Variants in TATDN1 observed in about 807,000 individuals in gnomAD.
TATDN1 encodes the protein deoxyribonuclease TATDN1.
Under a neutral mutation model 46.4 loss-of-function variants are expected in TATDN1, and 40 were observed. The ratio of observed to expected loss-of-function variants is 0.86; its 90% CI spans 0.67 to 1.12. The LOEUF (loss-of-function observed/expected upper bound fraction) is 1.12, where lower values mean the gene tolerates loss of function less well. Ranked by LOEUF, TATDN1 falls within the 50% of genes most tolerant of loss-of-function variation. The pLI is 0.00. For missense variants in TATDN1, 326 were observed against 348.4 expected, an observed-to-expected ratio of 0.94 and a Z score of 0.51; for synonymous variants, 95 against 105.6, an observed-to-expected ratio of 0.90 and a Z score of 0.62.
intron 1 of TATDN1, among the ~76,000 whole-genome samples, chr8:124,528,123 T>C (rs1226295660): frequency 6.6e-6 from 1 of 152,160 alleles, no homozygotes; most frequent in Non-Finnish European, 1.5e-5. Context: ...AGAGGATTAG[T>C]AGTTCATAGC....
Position 124,508,518 on chromosome 8 carries a change from T to C in TATDN1, c.476-4A>G. Reference sequence around the variant, plus strand: ...TCTCTATTTCTTTTCATTATGTCTGTGAATTAAAAACAAAGAACTTTTAGC... The same window carrying C: ...TCTCTATTTCTTTTCATTATGTCTGCGAATTAAAAACAAAGAACTTTTAGC... On this transcript the variant is annotated splice_polypyrimidine_tract_variant and splice_region_variant and intron_variant, in intron 7 of 11. Transcript: ENST00000276692. 1 of 1,613,200 alleles carries C rather than the reference T, an allele frequency of 6.2e-7. No homozygotes were observed. The highest frequency in any genetic ancestry group is 8.5e-7 in the Non-Finnish European group (1 of 1,179,426).
At chr8:124,534,279 T>C (rs7833362) in intron 1 of TATDN1, among the ~76,000 whole-genome samples, 10,032 of 151,704 alleles carry the variant, frequency 0.066, 1,119 homozygotes, top group African/African-American at 0.23. Flanking sequence ...TTTTAAATAG[T>C]TGAAGAAAAT....
intron 6 of TATDN1, among the ~76,000 whole-genome samples, chr8:124,509,226 T>C (rs1359007714): frequency 6.6e-6 from 1 of 152,252 alleles, no homozygotes; most frequent in Non-Finnish European, 1.5e-5. Flanking sequence ...AAGAAGGTTT[T>C]TCCAAGTACC....
In TATDN1 at chr8:124,515,772, C is replaced by T. The variant is rs1563670831; in HGVS notation, c.363G>A (p.Gln121=). Residue 121 remains glutamine, a synonymous_variant, in exon 6 of 12, where the codon CAG becomes CAA. Coordinates refer to ENST00000276692, the MANE Select transcript of TATDN1 (RefSeq NM_032026.4). The part of the protein sequence containing the change: ...GECGLDFDRL[Q]FCPKDTQLKY... Reference sequence around the variant, plus strand: ...TGAGTTGAGTATCTTTGGGACAAAACTGCAGTCGGTCAAAATCTTTAAAAA... The same window carrying T: ...TGAGTTGAGTATCTTTGGGACAAAATTGCAGTCGGTCAAAATCTTTAAAAA... The T allele has an allele frequency of 4.3e-6, 7 of 1,613,680 alleles. No individual in the cohort carries two copies. Among genetic ancestry groups the T allele is most frequent in the Non-Finnish European group, 5.1e-6 (6 of 1,179,848 alleles).
At chr8:124,524,119 T>C (rs1158828646) in intron 1 of TATDN1, among the ~76,000 whole-genome samples, 1 of 152,224 alleles carries the variant, frequency 6.6e-6, no homozygotes, top group Admixed American at 6.5e-5. Flanking sequence ...ATGTTCTCAT[T>C]CTAATTTCTG....
At chr8:124,533,457 T>C (rs560717846) in intron 1 of TATDN1, among the ~76,000 whole-genome samples, 1 of 151,580 alleles carries the variant, frequency 6.6e-6, no homozygotes, top group Admixed American at 6.6e-5. Flanking sequence ...GTAGCCTTGA[T>C]GAGGCCTGAG....
At chr8:124,512,580 AAG>A in intron 6 of TATDN1, among the ~76,000 whole-genome samples, 1 of 152,360 alleles carries the variant, frequency 6.6e-6, no homozygotes, top group South Asian at 2.1e-4. Flanking sequence ...GGGAATAAAA[AAG>A]AAAAGAACCT....
intron 9 of TATDN1, among the ~76,000 whole-genome samples, chr8:124,502,704 T>C (rs745371438): frequency 6.6e-6 from 1 of 152,262 alleles, no homozygotes; most frequent in Non-Finnish European, 1.5e-5. Flanking sequence ...GGTTTGCTCA[T>C]GTGGTATACT....
At chr8:124,537,157 C>T (rs1821502435) in intron 1 of TATDN1, among the ~76,000 whole-genome samples, 1 of 152,098 alleles carries the variant, frequency 6.6e-6, no homozygotes, top group Non-Finnish European at 1.5e-5. Flanking sequence ...GCACTAAAGC[C>T]ACTCATTCAT....
intron 1 of TATDN1, among the ~76,000 whole-genome samples, chr8:124,525,125 C>T (rs1420227559): frequency 6.6e-6 from 1 of 152,094 alleles, no homozygotes; most frequent in East Asian, 1.9e-4. Context: ...TCCTTCCACA[C>T]TTTAGCATCA....
intron 1 of TATDN1, 77 bp from the exon 2 acceptor site, chr8:124,523,079 C>G: frequency 1.5e-6 from 2 of 1,351,334 alleles, no homozygotes; most frequent in Non-Finnish European, 2.1e-6. Context: ...GCTTCTGTTA[C>G]TAAACTTTTT....
chr8:124,526,862 GT>G (rs1398852992), intron 1 of TATDN1: 4 of 152,258 alleles, frequency 2.6e-5, no homozygotes, highest in Admixed American at 6.5e-5. Flanking sequence ...GGCACAATTT[GT>G]TTTTTAGATA....
At chr8:124,500,551 A>G (rs1278034566) in intron 9 of TATDN1, among the ~76,000 whole-genome samples, 1 of 152,108 alleles carries the variant, frequency 6.6e-6, no homozygotes, top group Non-Finnish European at 1.5e-5. Context: ...TACAAAAAGT[A>G]CAGACATTAG....
intron 3 of TATDN1, among the ~76,000 whole-genome samples, chr8:124,520,525 C>T (rs994732900): frequency 2.0e-5 from 3 of 151,966 alleles, no homozygotes; most frequent in Admixed American, 6.6e-5. Context: ...CAGATGCCTA[C>T]ATCCAGTATT....
At position 124,520,037 on chromosome 8, in the gene TATDN1, GATAA is replaced by G. The variant is rs200891976; in HGVS notation, c.139-1160_139-1157del. On this transcript the variant is annotated intron_variant, in intron 3 of 11. Transcript: ENST00000276692. ...ACAAAACGAAGGTAGAATTGCAAATGATAAATAGATATTTTCATATAGCTATTTA... is the reference window on the plus strand; with the variant it reads ...ACAAAACGAAGGTAGAATTGCAAATGATAGATATTTTCATATAGCTATTTA... 1.2e-4 allele frequency among the ~76,000 whole-genome samples: 19 copies of G among 152,338 alleles called. No individual in the cohort carries two copies. In the East Asian group the frequency reaches 3.7e-3, roughly 29 times the overall value.
intron 10 of TATDN1, chr8:124,494,890 CTT>C (rs1817334587): frequency 1.3e-5 from 2 of 152,416 alleles, no homozygotes; most frequent in African/African-American, 4.8e-5. Flanking sequence ...GCCCAGATAA[CTT>C]TGTATTTTTA....
chr8:124,523,957 G>C (rs6995899), intron 1 of TATDN1, among the ~76,000 whole-genome samples: 4,593 of 152,202 alleles, frequency 0.03, 236 homozygotes, highest in African/African-American at 0.1. Context: ...ACTGTGACTG[G>C]TCACAGGCAA....
chr8:124,519,990 A>G (rs1014091044), intron 3 of TATDN1, among the ~76,000 whole-genome samples: 1 of 152,236 alleles, frequency 6.6e-6, no homozygotes, highest in African/African-American at 2.4e-5. Flanking sequence ...AATTCATTCT[A>G]GGTACAACTT....
intron 9 of TATDN1, among the ~76,000 whole-genome samples, chr8:124,499,644 C>T (rs79891830): frequency 3.3e-5 from 5 of 150,802 alleles, no homozygotes; most frequent in African/African-American, 1.2e-4. Context: ...CCCGGGTTCA[C>T]GCCATTCTCC....
Sources: gnomAD v4.1 joint callset for allele counts (sites outside exome capture counted in the v4.1 genomes callset) on GRCh38, gnomAD v4.1.1 for gene constraint, MANE v1.5 for transcripts, NCBI Gene and HGNC (gene_info 2026-07-23, HGNC 2026-07-21) for gene names.